Variants in CLPB observed in about 807,000 individuals in gnomAD.
CLPB encodes ClpB family mitochondrial disaggregase.
CLPB carries 40 observed loss-of-function variants against 78.4 expected under a neutral mutation model. The ratio of observed to expected loss-of-function variants is 0.51; its 90% CI spans 0.40 to 0.66. The LOEUF (loss-of-function observed/expected upper bound fraction) is 0.66, where lower values mean the gene tolerates loss of function less well. CLPB is among the 30% of genes least tolerant of loss of function. The pLI, the probability that CLPB is intolerant of heterozygous loss-of-function variation, is 0.00. For missense variants in CLPB, 780 were observed against 886.9 expected, an observed-to-expected ratio of 0.88 and a Z score of 1.53; for synonymous variants, 333 against 348.0, an observed-to-expected ratio of 0.96 and a Z score of 0.48.
At chr11:72,402,929 T>G in intron 3 of CLPB, 37 bp downstream of exon 3, 1 of 1,572,190 alleles carries the variant, frequency 6.4e-7, no homozygotes, top group Non-Finnish European at 8.8e-7. Flanking sequence ...TGCAGAGATC[T>G]GCCTAAAGGA....
intron 1 of CLPB, among the ~76,000 whole-genome samples, chr11:72,432,381 A>G (rs7120137): frequency 0.1 from 15,329 of 152,136 alleles, 1,345 homozygotes; most frequent in African/African-American, 0.24. Context: ...GGCTCAAAAG[A>G]TCACTCCCCT....
Position 72,326,735 on chromosome 11 carries a change from A to G in CLPB, c.873+2972T>C, listed in dbSNP as rs1444997690. Among the ~76,000 whole-genome samples the G allele has an allele frequency of 2.0e-5, 3 of 152,292 alleles. No individual in the cohort carries two copies. The East Asian group carries it at 5.8e-4, about 29-fold the overall frequency. ...ATTATGTTACAGATGCAGGGCCTGA[A>G]CTCAGAGGCAGCTGCTTCTTACTTA... On this transcript the variant is annotated intron_variant, in intron 6 of 15. Transcript: ENST00000538039.
intron 5 of CLPB, among the ~76,000 whole-genome samples, chr11:72,348,245 C>G (rs1226060785): frequency 6.6e-6 from 1 of 152,212 alleles, no homozygotes; most frequent in Non-Finnish European, 1.5e-5. Context: ...TCTGGTACTA[C>G]TCCAAATTTT....
At chr11:72,301,176 A>G (rs1949648781) in intron 11 of CLPB, among the ~76,000 whole-genome samples, 1 of 152,222 alleles carries the variant, frequency 6.6e-6, no homozygotes, top group African/African-American at 2.4e-5. Flanking sequence ...CACAGAAGGT[A>G]CTGGATAGAA....
At chr11:72,324,126 G>A (rs1394846889) in intron 6 of CLPB, among the ~76,000 whole-genome samples, 1 of 152,122 alleles carries the variant, frequency 6.6e-6, no homozygotes, top group African/African-American at 2.4e-5. Context: ...TGGGGGATGA[G>A]TCTGGAAGGG....
intron 2 of CLPB, chr11:72,408,187 C>T (rs920742983): frequency 2.1e-5 from 32 of 1,535,456 alleles, no homozygotes; most frequent in Non-Finnish European, 2.8e-5. Context: ...GAGCATCATT[C>T]TTTGCAGTCT....
At chr11:72,320,764 G>A (rs1308820947) in intron 6 of CLPB, among the ~76,000 whole-genome samples, 1 of 152,108 alleles carries the variant, frequency 6.6e-6, no homozygotes, top group African/African-American at 2.4e-5. Flanking sequence ...CTGAGGCTGA[G>A]TACAATGGCA....
intron 15 of CLPB, 81 bp downstream of exon 15, chr11:72,293,941 C>A (rs1377266585): frequency 8.9e-6 from 11 of 1,239,698 alleles, no homozygotes; most frequent in Admixed American, 2.0e-5. Context: ...GGGAGGCAGG[C>A]TGAGAGCTCA....
chr11:72,307,996 T>TG (rs1426242611), intron 8 of CLPB, among the ~76,000 whole-genome samples: 1 of 152,036 alleles, frequency 6.6e-6, no homozygotes, highest in South Asian at 2.1e-4. Flanking sequence ...AGTGAAGGAA[T>TG]GGGGGGGTTC....
chr11:72,287,004 A>T lies in CLPB; in HGVS notation c.*6363T>A, dbSNP rs2135475447. 1 of 152,332 alleles carries T rather than the reference A, an allele frequency of 6.6e-6. No homozygotes were observed. Among genetic ancestry groups the T allele is most frequent in the East Asian group, 1.9e-4 (1 of 5,190 alleles). 9.4% of individuals were successfully genotyped at this position (152,332 alleles called of 1,614,324 possible). ...CATTTAAATAACATTTAAGTTCTTG[A>T]TGTAATAAATTAATAAATTTCCTGA... On this transcript the variant is annotated 3_prime_UTR_variant, in exon 16 of 16. Coordinates refer to ENST00000538039, the MANE Select transcript of CLPB (RefSeq NM_001258392.3).
intron 2 of CLPB, among the ~76,000 whole-genome samples, chr11:72,420,610 G>A (rs984284344): frequency 2.0e-5 from 3 of 152,232 alleles, no homozygotes; most frequent in Non-Finnish European, 2.9e-5. Flanking sequence ...ACAGTGTTGT[G>A]AGGGAGAGAA....
At chr11:72,311,256 C>A (rs1445052320) in intron 7 of CLPB, among the ~76,000 whole-genome samples, 1 of 152,116 alleles carries the variant, frequency 6.6e-6, no homozygotes, top group Non-Finnish European at 1.5e-5. Context: ...AGGATCCCGT[C>A]AGGCCAGAGT....
At chr11:72,393,278 C>T (rs1855307822) in intron 3 of CLPB, among the ~76,000 whole-genome samples, 2 of 152,116 alleles carry the variant, frequency 1.3e-5, no homozygotes, top group Admixed American at 6.6e-5. Context: ...ACAGTATGGA[C>T]CCAGACTAGG....
intron 5 of CLPB, among the ~76,000 whole-genome samples, chr11:72,339,476 C>T (rs1206675375): frequency 2.0e-5 from 3 of 152,158 alleles, no homozygotes; most frequent in Non-Finnish European, 4.4e-5. Context: ...TGGGAACATC[C>T]GAAAATAGAA....
Position 72,294,142 on chromosome 11 carries a change from T to G in CLPB, c.1681-16A>C. 6.2e-7 allele frequency: 1 copy of G among 1,612,888 alleles called. No individual in the cohort carries two copies. The highest frequency in any genetic ancestry group is 1.3e-5 in the African/African-American group (1 of 75,056). On this transcript the variant is annotated splice_polypyrimidine_tract_variant and intron_variant, in intron 14 of 15. Transcript: ENST00000538039. ...TTTGCTTGGCCTGAGATGGGTCAGA[T>G]AGAAGCATGCCTGCATGTGGCCCAC...
intron 3 of CLPB, among the ~76,000 whole-genome samples, chr11:72,385,747 C>T (rs944102022): frequency 2.0e-5 from 3 of 152,108 alleles, no homozygotes; most frequent in African/African-American, 4.8e-5. Context: ...CGCTTGAATC[C>T]GGGAGGCGGA....
chr11:72,396,172 AATGCGTGTT>A (rs2135061243), intron 3 of CLPB, among the ~76,000 whole-genome samples: 1 of 152,264 alleles, frequency 6.6e-6, no homozygotes, highest in Admixed American at 6.5e-5. Flanking sequence ...GGCCTTGGCA[AATGCGTGTT>A]ATCCACTCAT....
intron 4 of CLPB, among the ~76,000 whole-genome samples, chr11:72,361,304 C>T (rs1950833540): frequency 6.6e-6 from 1 of 152,180 alleles, no homozygotes; most frequent in Non-Finnish European, 1.5e-5. Flanking sequence ...GTTATCTGAC[C>T]TTTCCTGGAG....
At chr11:72,297,809 A>C (rs1949583698) in intron 11 of CLPB, among the ~76,000 whole-genome samples, 1 of 151,986 alleles carries the variant, frequency 6.6e-6, no homozygotes, top group Non-Finnish European at 1.5e-5. Context: ...CCAGAGCAAT[A>C]ACCTAGCAGC....
Sources: gnomAD v4.1 joint callset for allele counts (sites outside exome capture counted in the v4.1 genomes callset) on GRCh38, gnomAD v4.1.1 for gene constraint, MANE v1.5 for transcripts, NCBI Gene and HGNC (gene_info 2026-07-23, HGNC 2026-07-21) for gene names.